CYRIA: variants seen among roughly 807,000 people sequenced by gnomAD.
The protein encoded by CYRIA is CYFIP related Rac1 interactor A.
A neutral mutation model predicts 43.9 loss-of-function variants in CYRIA; 15 were observed. The observed-to-expected ratio is 0.34, with a 90% CI of 0.23 to 0.53. The LOEUF is 0.53. Among genes scored for constraint, CYRIA ranks in the 20% least tolerant of loss-of-function variants. The pLI is 0.94. For missense variants in CYRIA, 236 were observed against 394.2 expected, an observed-to-expected ratio of 0.60 and a Z score of 3.40; for synonymous variants, 117 against 136.0, an observed-to-expected ratio of 0.86 and a Z score of 0.97.
In CYRIA at chr2:16,581,015, A is replaced by C. The variant is rs575674383; in HGVS notation, c.70+7035T>G. On this transcript the variant is annotated intron_variant, in intron 3 of 11. Coordinates refer to ENST00000381323, the MANE Select transcript of CYRIA (RefSeq NM_030797.4). ...ACAATACAGCTTTCAGAAGAAAACA[A>C]AGCAAAATATCTTTGTGACCTTGGT... is the stretch of plus-strand genomic sequence containing the variant. Among the ~76,000 whole-genome samples the C allele has an allele frequency of 4.6e-5, 7 of 152,334 alleles. No homozygotes were observed. In the South Asian group the frequency reaches 8.3e-4, roughly 18 times the overall value.
chr2:16,605,504 G>A (rs1668366705), intron 2 of CYRIA, among the ~76,000 whole-genome samples: 1 of 152,180 alleles, frequency 6.6e-6, no homozygotes, highest in African/African-American at 2.4e-5. Context: ...TAGGCAGGTG[G>A]ACACTCTCAG....
chr2:16,582,377 A>G (rs1470146723), intron 3 of CYRIA, among the ~76,000 whole-genome samples: 1 of 152,224 alleles, frequency 6.6e-6, no homozygotes, highest in Non-Finnish European at 1.5e-5. Context: ...GTGCCATACG[A>G]TTTGCCCATT....
At chr2:16,630,600 A>G (rs1450316753) in intron 1 of CYRIA, among the ~76,000 whole-genome samples, 1 of 152,148 alleles carries the variant, frequency 6.6e-6, no homozygotes, top group Non-Finnish European at 1.5e-5. Context: ...AAGCTTTTCG[A>G]TGAGTTCACA....
intron 1 of CYRIA, among the ~76,000 whole-genome samples, chr2:16,629,384 T>C (rs1669259247): frequency 6.6e-6 from 1 of 152,228 alleles, no homozygotes; most frequent in Non-Finnish European, 1.5e-5. Flanking sequence ...TTCTTAGGAA[T>C]CTCTGACAAG....
intron 1 of CYRIA, among the ~76,000 whole-genome samples, chr2:16,659,550 G>A (rs1290090688): frequency 2.6e-5 from 4 of 152,168 alleles, no homozygotes; most frequent in African/African-American, 4.8e-5. Flanking sequence ...AGTGGGCAGC[G>A]TGACTACAAG....
chr2:16,627,063 C>G (rs1315037550), intron 1 of CYRIA, among the ~76,000 whole-genome samples: 1 of 152,234 alleles, frequency 6.6e-6, no homozygotes, highest in Non-Finnish European at 1.5e-5. Flanking sequence ...ATAGGCATCT[C>G]CTGTCTTCCA....
At chr2:16,572,933 C>T (rs1394883329) in intron 3 of CYRIA, among the ~76,000 whole-genome samples, 1 of 152,192 alleles carries the variant, frequency 6.6e-6, no homozygotes, top group Non-Finnish European at 1.5e-5. Flanking sequence ...CTGTCTCTTC[C>T]ATGTGCTTAC....
intron 1 of CYRIA, among the ~76,000 whole-genome samples, chr2:16,627,136 A>G (rs1669195140): frequency 6.6e-6 from 1 of 152,212 alleles, no homozygotes; most frequent in South Asian, 2.1e-4. Flanking sequence ...GCTAGGGAAG[A>G]GCTTCAAACG....
At chr2:16,620,669 C>T (rs1668961923) in intron 2 of CYRIA, among the ~76,000 whole-genome samples, 1 of 152,186 alleles carries the variant, frequency 6.6e-6, no homozygotes, top group African/African-American at 2.4e-5. Context: ...AAAACAGACT[C>T]AAACCACTTA....
At chr2:16,575,763 G>A (rs897471781) in intron 3 of CYRIA, among the ~76,000 whole-genome samples, 1 of 152,058 alleles carries the variant, frequency 6.6e-6, no homozygotes, top group Non-Finnish European at 1.5e-5. Flanking sequence ...GGCTGACGCA[G>A]GAGAATGGCG....
chr2:16,656,421 G>A (rs1418682569), intron 1 of CYRIA, among the ~76,000 whole-genome samples: 1 of 152,170 alleles, frequency 6.6e-6, no homozygotes, highest in African/African-American at 2.4e-5. Context: ...GCCATCCCCA[G>A]AGGCACCCTA....
chr2:16,584,519 T>A (rs1443737677), intron 3 of CYRIA, among the ~76,000 whole-genome samples: 1 of 152,220 alleles, frequency 6.6e-6, no homozygotes, highest in Non-Finnish European at 1.5e-5. Context: ...TGTTCCCATC[T>A]GCTCAGCTCT....
chr2:16,663,671 A>G (rs766838359), intron 1 of CYRIA, among the ~76,000 whole-genome samples: 1 of 151,948 alleles, frequency 6.6e-6, no homozygotes, highest in African/African-American at 2.4e-5. Flanking sequence ...GGTGCTGAGT[A>G]AAAACAGGAA....
chr2:16,616,760 C>T (rs1668809731), intron 2 of CYRIA, among the ~76,000 whole-genome samples: 1 of 152,244 alleles, frequency 6.6e-6, no homozygotes, highest in Non-Finnish European at 1.5e-5. Context: ...ATCACAGAGT[C>T]CTTACAGTGC....
chr2:16,609,631 A>G (rs1311569859), intron 2 of CYRIA, among the ~76,000 whole-genome samples: 3 of 152,102 alleles, frequency 2.0e-5, no homozygotes, highest in Non-Finnish European at 4.4e-5. Context: ...CTCCCCAGTA[A>G]CTCTGCTTTT....
intron 5 of CYRIA, among the ~76,000 whole-genome samples, chr2:16,563,528 T>A (rs1666824643): frequency 6.6e-6 from 1 of 152,204 alleles, no homozygotes; most frequent in Non-Finnish European, 1.5e-5. Flanking sequence ...ACTCAACATC[T>A]ACAAAGCCAT....
intron 2 of CYRIA, among the ~76,000 whole-genome samples, chr2:16,601,793 A>G (rs1466303338): frequency 2.0e-5 from 3 of 152,184 alleles, no homozygotes; most frequent in Non-Finnish European, 2.9e-5. Flanking sequence ...TAGAAGAAAA[A>G]TAAGTTGATA....
chr2:16,647,135 T>C (rs893898830), intron 1 of CYRIA, among the ~76,000 whole-genome samples: 2 of 152,228 alleles, frequency 1.3e-5, no homozygotes, highest in East Asian at 1.9e-4. Context: ...GATTAATGCA[T>C]ACCAGGTAAC....
intron 2 of CYRIA, among the ~76,000 whole-genome samples, chr2:16,618,950 T>C (rs921365074): frequency 1.3e-5 from 2 of 152,190 alleles, no homozygotes; most frequent in African/African-American, 4.8e-5. Flanking sequence ...CATAGGCTTG[T>C]GGAGAGGGTG....
Sources: gnomAD v4.1 joint callset for allele counts (sites outside exome capture counted in the v4.1 genomes callset) on GRCh38, gnomAD v4.1.1 for gene constraint, MANE v1.5 for transcripts, NCBI Gene and HGNC (gene_info 2026-07-23, HGNC 2026-07-21) for gene names.